RAB3C: variants seen among roughly 807,000 people sequenced by gnomAD.
The protein encoded by RAB3C is RAB3C, member RAS oncogene family, also known as ras-related protein Rab-3C.
Under a neutral mutation model 26.4 loss-of-function variants are expected in RAB3C, and 17 were observed. The observed-to-expected ratio is 0.64, with a 90% CI of 0.44 to 0.97. The LOEUF is 0.97. Among genes scored for constraint, RAB3C ranks in the 50% least tolerant of loss-of-function variants. The pLI is 0.00. For synonymous variants in RAB3C, 91 were observed against 95.9 expected, an observed-to-expected ratio of 0.95 and a Z score of 0.30; for missense variants, 242 against 281.9, an observed-to-expected ratio of 0.86 and a Z score of 1.01.
intron 3 of RAB3C, among the ~76,000 whole-genome samples, chr5:58,748,480 T>C (rs1741447804): frequency 6.6e-6 from 1 of 152,160 alleles, no homozygotes; most frequent in African/African-American, 2.4e-5. Flanking sequence ...TAAAATAGAA[T>C]ATAATTGAAT....
intron 2 of RAB3C, among the ~76,000 whole-genome samples, chr5:58,704,207 C>T (rs922194352): frequency 5.3e-5 from 8 of 152,136 alleles, no homozygotes; most frequent in Non-Finnish European, 1.2e-4. Flanking sequence ...ATGACAAATC[C>T]TGAAATCAAT....
chr5:58,599,936 T>C (rs1379830210), intron 1 of RAB3C, among the ~76,000 whole-genome samples: 1 of 152,160 alleles, frequency 6.6e-6, no homozygotes, highest in African/African-American at 2.4e-5. Context: ...AGCCAATGTC[T>C]AGAAGGGTTT....
intron 4 of RAB3C, among the ~76,000 whole-genome samples, chr5:58,846,486 C>T (rs1241750645): frequency 6.6e-6 from 1 of 152,116 alleles, no homozygotes. Flanking sequence ...CTCAGTGGTC[C>T]TCCCACCTCA....
At chr5:58,735,813 T>A (rs1230355521) in intron 3 of RAB3C, among the ~76,000 whole-genome samples, 12 of 152,110 alleles carry the variant, frequency 7.9e-5, no homozygotes, top group Admixed American at 7.9e-4. Flanking sequence ...ACCTAACTCT[T>A]TTGCAAGGTA....
chr5:58,797,013 A>ACACACACACACACACC (rs1392666307), intron 3 of RAB3C, among the ~76,000 whole-genome samples: 3 of 151,032 alleles, frequency 2.0e-5, no homozygotes, highest in African/African-American at 7.3e-5. Flanking sequence ...ACACACACAC[A>ACACACACACACACACC]CCTACCTTCC....
chr5:58,730,928 C>G (rs1741004186), intron 3 of RAB3C, among the ~76,000 whole-genome samples: 1 of 152,024 alleles, frequency 6.6e-6, no homozygotes, highest in African/African-American at 2.4e-5. Flanking sequence ...GAAGGAGGAG[C>G]AAAAACACAT....
intron 4 of RAB3C, among the ~76,000 whole-genome samples, chr5:58,845,395 C>T (rs1255370599): frequency 6.6e-6 from 1 of 151,830 alleles, no homozygotes; most frequent in Non-Finnish European, 1.5e-5. Context: ...AGCAGCTGCT[C>T]TTTCATCTCC....
At chr5:58,613,106 TGTG>T (rs1362707788) in intron 1 of RAB3C, among the ~76,000 whole-genome samples, 1 of 152,140 alleles carries the variant, frequency 6.6e-6, no homozygotes, top group Non-Finnish European at 1.5e-5. Flanking sequence ...TGAAGGAGGC[TGTG>T]GTTACATGTT....
chr5:58,820,360 G>A (rs1338753225), intron 3 of RAB3C, among the ~76,000 whole-genome samples: 3 of 152,112 alleles, frequency 2.0e-5, no homozygotes, highest in Non-Finnish European at 4.4e-5. Flanking sequence ...TTTATGATAG[G>A]TGGTAATTCA....
intron 3 of RAB3C, among the ~76,000 whole-genome samples, chr5:58,784,412 A>G (rs1414057023): frequency 6.6e-6 from 1 of 152,174 alleles, no homozygotes; most frequent in East Asian, 1.9e-4. Context: ...AGACATATTC[A>G]TTATCACAAG....
At chr5:58,582,155 T>A (rs1429695788), upstream of RAB3C, 1 of 153,062 alleles carries the variant, frequency 6.5e-6, no homozygotes, top group East Asian at 1.9e-4. Flanking sequence ...CCCTGGCACT[T>A]CCTAAGAGAC....
At chr5:58,844,016 C>G (rs1413864385) in intron 4 of RAB3C, among the ~76,000 whole-genome samples, 1 of 152,158 alleles carries the variant, frequency 6.6e-6, no homozygotes, top group East Asian at 1.9e-4. Context: ...TACTGGACAC[C>G]TGCTCATGCT....
intron 2 of RAB3C, among the ~76,000 whole-genome samples, chr5:58,654,428 T>G (rs559244767): frequency 6.6e-6 from 1 of 152,328 alleles, no homozygotes; most frequent in South Asian, 2.1e-4. Context: ...TCAACTAGAT[T>G]ATATGACAGA....
intron 2 of RAB3C, among the ~76,000 whole-genome samples, chr5:58,656,255 G>A (rs1747770315): frequency 6.6e-6 from 1 of 152,072 alleles, no homozygotes; most frequent in African/African-American, 2.4e-5. Context: ...CCTACAGAAT[G>A]GGATAAATAA....
intron 2 of RAB3C, among the ~76,000 whole-genome samples, chr5:58,707,988 C>CTTTTT (rs35213627): frequency 2.1e-5 from 3 of 142,568 alleles, no homozygotes; most frequent in Non-Finnish European, 3.0e-5. Flanking sequence ...TCTTTCTTTC[C>CTTTTT]TTTTTTTTTT....
intron 4 of RAB3C, among the ~76,000 whole-genome samples, chr5:58,839,245 T>C (rs2063960346): frequency 6.6e-6 from 1 of 151,998 alleles, no homozygotes. Flanking sequence ...CTCCTGTCAT[T>C]TTACTGATTG....
intron 4 of RAB3C, among the ~76,000 whole-genome samples, chr5:58,850,114 T>C (rs1295555149): frequency 6.6e-6 from 1 of 152,184 alleles, no homozygotes; most frequent in African/African-American, 2.4e-5. Flanking sequence ...GAGGTTGTCA[T>C]GGCAACTGAC....
intron 2 of RAB3C, among the ~76,000 whole-genome samples, chr5:58,679,198 A>T (rs184304493): frequency 2.0e-5 from 3 of 152,284 alleles, no homozygotes; most frequent in African/African-American, 7.2e-5. Context: ...GGGTGGGGGT[A>T]TCAGGAAGGA....
At chr5:58,613,567 T>C (rs1746760565) in intron 1 of RAB3C, among the ~76,000 whole-genome samples, 1 of 152,054 alleles carries the variant, frequency 6.6e-6, no homozygotes, top group Non-Finnish European at 1.5e-5. Context: ...AGAATACACA[T>C]AAAGGTTGAC....
Sources: allele counts gnomAD v4.1 joint callset (sites outside exome capture counted in the v4.1 genomes callset), GRCh38; gene constraint gnomAD v4.1.1; transcripts MANE v1.5; gene names NCBI Gene and HGNC (gene_info 2026-07-23, HGNC 2026-07-21).